Variants in SPTB observed in about 807,000 individuals in gnomAD.
SPTB encodes the protein spectrin beta, erythrocytic, also known as spectrin beta chain, erythrocytic.
In SPTB, 45 loss-of-function variants were observed where a neutral mutation model predicts 256.2. That is an observed-to-expected ratio of 0.18 (90% CI 0.14 to 0.23). The LOEUF is 0.23. Among genes scored for constraint, SPTB ranks in the 10% least tolerant of loss-of-function variants. The pLI, the probability that SPTB is intolerant of heterozygous loss-of-function variation, is 1.00. For missense variants in SPTB, 2,715 were observed against 3,040.4 expected (o/e 0.89, Z 2.52); for synonymous variants, 1,231 against 1,243.1 (o/e 0.99, Z 0.21).
At chr14:64,767,905 T>G (rs1477389148) in intron 29 of SPTB, 46 bp from the exon 30 acceptor site, 1 of 1,604,762 alleles carries the variant, frequency 6.2e-7, no homozygotes, top group Non-Finnish European at 8.5e-7. Context: ...GCCCAGGGCC[T>G]GTTAGCACCC....
rs1292733418 is a variant in SPTB at position 64,806,304 on chromosome 14, T to G, written c.149-1214A>C. On this transcript the variant is annotated intron_variant, in intron 2 of 35. Transcript: ENST00000644917. The surrounding 1 kb of genome is among the most constrained non-coding windows in gnomAD (Gnocchi z 4.1). ...GCTTCTGGGCACTTAGGTTTGAAGATTCAGGGAAGGAGGTGACTTGGCAGT... is the reference window on the plus strand; with the variant it reads ...GCTTCTGGGCACTTAGGTTTGAAGAGTCAGGGAAGGAGGTGACTTGGCAGT... Among the ~76,000 whole-genome samples, 1 of 152,150 alleles carries G rather than the reference T, an allele frequency of 6.6e-6. No individual in the cohort carries two copies. Among genetic ancestry groups the G allele is most frequent in the East Asian group, 1.9e-4 (1 of 5,192 alleles).
chr14:64,750,909 A>G (rs972167269), intron 33 of SPTB, among the ~76,000 whole-genome samples: 36 of 145,644 alleles, frequency 2.5e-4, no homozygotes, highest in Admixed American at 2.4e-3. Context: ...ATATAAATAT[A>G]TAAAATATGT....
At chr14:64,829,478 T>G (rs949857904) in intron 1 of SPTB, among the ~76,000 whole-genome samples, 1 of 152,212 alleles carries the variant, frequency 6.6e-6, no homozygotes, top group Non-Finnish European at 1.5e-5. Context: ...CAATATTGAT[T>G]GGTACCTAGG....
rs1305695935 is a variant in SPTB, at chr14:64,787,302, T to C, written c.2805-142A>G. The C allele has an allele frequency of 4.5e-6, 5 of 1,103,524 alleles. No individual in the cohort carries two copies. The East Asian group carries it at 1.3e-4, about 29-fold the overall frequency. The allele number at this position is 1,103,524 out of a possible 1,614,324, so 68.4% of individuals were successfully genotyped here. On this transcript the variant is annotated intron_variant, in intron 15 of 35. Coordinates refer to ENST00000644917, the MANE Select transcript of SPTB (RefSeq NM_001355436.2). Reference sequence around the variant, plus strand: ...TATGATAAAAAGAAAAAAAAAAATCTACCTAACGAAGTGTAGGTGAGCAAA... The same window carrying C: ...TATGATAAAAAGAAAAAAAAAAATCCACCTAACGAAGTGTAGGTGAGCAAA...
chr14:64,766,344 G>C, intron 32 of SPTB: 13 of 1,219,992 alleles, frequency 1.1e-5, no homozygotes, highest in Non-Finnish European at 1.3e-5. Flanking sequence ...CTAGAGGAAG[G>C]AGTTGGAAAA....
rs2082342029 is a variant in SPTB at position 64,775,392 on chromosome 14, A to G, written c.4575T>C (p.Asn1525=). 1.9e-6 allele frequency: 3 copies of G among 1,610,556 alleles called. No homozygotes were observed. The highest frequency in any genetic ancestry group is 1.3e-5 in the African/African-American group (1 of 74,978). The change falls in exon 23 of 36, where the codon AAT becomes AAC. Residue 1525 remains asparagine (N), a synonymous_variant. Transcript: ENST00000644917. This position sits in a 1 kb window ranked among gnomAD's most constrained non-coding sequence, Gnocchi z 5.0. ...LFMKKNQTLQ[N]EILGHTPRVE... ...CCCGCGGCGTATGGCCCAGAATCTC[A>G]TTCTGCAGTGTCTGCGGCCAGAAGG... is the stretch of plus-strand genomic sequence containing the variant.
In SPTB at chr14:64,749,493, G is replaced by C; in HGVS notation, c.6820-20C>G. ...CTCCTCCTGCGGGGCGGAGGGTCAC[G>C]GTGGAGTCTGGAGGCCCACAGCCCC... is the stretch of plus-strand genomic sequence containing the variant. On this transcript the variant is annotated intron_variant, in intron 35 of 35. Transcript: ENST00000644917. This position sits in a 1 kb window ranked among gnomAD's most constrained non-coding sequence, Gnocchi z 4.7. 3 of 1,598,078 alleles carry C rather than the reference G, an allele frequency of 1.9e-6. No homozygotes were observed. Among genetic ancestry groups the C allele is most frequent in the East Asian group, 4.5e-5 (2 of 44,784 alleles).
At chr14:64,834,140 T>TC (rs2083487426) in intron 1 of SPTB, among the ~76,000 whole-genome samples, 1 of 151,732 alleles carries the variant, frequency 6.6e-6, no homozygotes, top group African/African-American at 2.4e-5. Flanking sequence ...GATTCTCTTG[T>TC]CTCAGCCTCC....
At chr14:64,752,120 A>C (rs1036418047) in intron 33 of SPTB, 5 of 1,221,368 alleles carry the variant, frequency 4.1e-6, no homozygotes, top group Non-Finnish European at 5.3e-6. Context: ...ACAAAACACA[A>C]AAAAAGACAA....
intron 2 of SPTB, among the ~76,000 whole-genome samples, chr14:64,822,370 T>TCACACACA (rs2083305230): frequency 2.0e-3 from 3 of 1,470 alleles, no homozygotes; most frequent in African/African-American, 3.4e-3. Context: ...TCTCTCTCTC[T>TCACACACA]CTCTCACACA....
rs764924367 is a variant in SPTB, at chr14:64,845,151, G to C, written c.-51-22006C>G. ...CTATCCTCACTATCTGGGCATGGCA[G>C]AACTAGCCTGCTCCCTGTCATTATC... On this transcript the variant is annotated intron_variant, in intron 1 of 35. Coordinates refer to ENST00000644917, the MANE Select transcript of SPTB (RefSeq NM_001355436.2). The surrounding 1 kb of genome is among the most constrained non-coding windows in gnomAD (Gnocchi z 4.8). Among the ~76,000 whole-genome samples the C allele has an allele frequency of 9.2e-5, 14 of 152,228 alleles. No individual in the cohort carries two copies. The highest frequency in any genetic ancestry group is 2.1e-4 in the Non-Finnish European group (14 of 68,046).
intron 2 of SPTB, among the ~76,000 whole-genome samples, chr14:64,822,370 T>TCACACACACA (rs2083305230): frequency 1.4e-3 from 2 of 1,470 alleles, no homozygotes; most frequent in Admixed American, 0.014. Context: ...TCTCTCTCTC[T>TCACACACACA]CTCTCACACA....
rs1302679781 is a variant in SPTB, at chr14:64,778,456, C to A, written c.4563+701G>T. 1.3e-5 allele frequency among the ~76,000 whole-genome samples: 2 copies of A among 152,140 alleles called. No homozygotes were observed. The highest frequency in any genetic ancestry group is 3.9e-4 in the East Asian group (2 of 5,194). Reference sequence around the variant, plus strand: ...TGTCCAAGAAGGGTCTGTGGCCATTCCCCTGGCCGCTGCGACCCCACACAG... The same window carrying A: ...TGTCCAAGAAGGGTCTGTGGCCATTACCCTGGCCGCTGCGACCCCACACAG... On this transcript the variant is annotated intron_variant, in intron 22 of 35. Transcript: ENST00000644917. The surrounding 1 kb of genome is among the most constrained non-coding windows in gnomAD (Gnocchi z 5.2).
At chr14:64,805,134 G>A (rs749190019) in intron 2 of SPTB, 44 bp from the exon 3 acceptor site, 1 of 1,613,314 alleles carries the variant, frequency 6.2e-7, no homozygotes, top group South Asian at 1.1e-5. Context: ...GAGGTTGGCA[G>A]GGTCAGTGTG....
rs2082552623 is a variant in SPTB at position 64,785,698 on chromosome 14, A to C, written c.3764+51T>G. 1 of 1,613,538 alleles carries C rather than the reference A, an allele frequency of 6.2e-7. No homozygotes were observed. Among genetic ancestry groups the C allele is most frequent in the Non-Finnish European group, 8.5e-7 (1 of 1,179,534 alleles). On this transcript the variant is annotated intron_variant, in intron 17 of 35. Transcript: ENST00000644917. The surrounding 1 kb of genome is among the most constrained non-coding windows in gnomAD (Gnocchi z 4.4). The stretch of plus-strand genomic sequence containing the variant: ...GGTCCTCACCAAGCTTGGGGTCCTC[A>C]CTACCCCCGTGTGGCTCTGGGGGCC...
Position 64,766,112 on chromosome 14 carries a change from GTGTA to G in SPTB, c.6345+610_6345+613del, listed in dbSNP as rs200036882. 3.3e-5 allele frequency among the ~76,000 whole-genome samples: 5 copies of G among 149,628 alleles called. No homozygotes were observed. The East Asian group carries it at 9.8e-4, about 29-fold the overall frequency. ...TGCGTGTGTGGGTGTGTGTGGATGT[GTGTA>G]TGGGGATGTGGTGTGGGTGCATGTG... On this transcript the variant is annotated intron_variant, in intron 32 of 35. Coordinates refer to ENST00000644917, the MANE Select transcript of SPTB (RefSeq NM_001355436.2).
Position 64,845,565 on chromosome 14 carries a change from A to C in SPTB, c.-51-22420T>G, listed in dbSNP as rs1347462546. ...AGCACTGCGTTGAACTCTCAAACTT[A>C]AAGTTTTACCAGACTATAGGACTGT... On this transcript the variant is annotated intron_variant, in intron 1 of 35. Transcript: ENST00000644917. This position sits in a 1 kb window ranked among gnomAD's most constrained non-coding sequence, Gnocchi z 4.8. Among the ~76,000 whole-genome samples, 2 of 152,236 alleles carry C rather than the reference A, an allele frequency of 1.3e-5. No homozygotes were observed. Among genetic ancestry groups the C allele is most frequent in the African/African-American group, 4.8e-5 (2 of 41,466 alleles).
intron 1 of SPTB, among the ~76,000 whole-genome samples, chr14:64,870,079 T>C (rs1017025299): frequency 7.2e-5 from 11 of 151,930 alleles, no homozygotes; most frequent in South Asian, 2.1e-4. Context: ...AGAAGGCAAG[T>C]TGACAATTAC....
rs567624946 is a variant in SPTB at position 64,747,768 on chromosome 14, G to A, written c.*1538C>T. 1 of 152,528 alleles carries A rather than the reference G, an allele frequency of 6.6e-6. No homozygotes were observed. Among genetic ancestry groups the A allele is most frequent in the African/African-American group, 2.4e-5 (1 of 41,538 alleles). The allele number at this position is 152,528 out of a possible 1,614,324, so 9.4% of individuals were successfully genotyped here. A position where few individuals can be genotyped will look rare whatever the true frequency, so the allele number is the denominator to read the frequency against. ...ACTGCAGGCCCTGGGGACTTTCATG[G>A]TTTCCTTGGGGGAAAATGCCTGCTG... On this transcript the variant is annotated 3_prime_UTR_variant, in exon 36 of 36. Transcript: ENST00000644917.
Sources: allele counts gnomAD v4.1 joint callset (sites outside exome capture counted in the v4.1 genomes callset), GRCh38; gene constraint gnomAD v4.1.1; non-coding constraint Gnocchi (gnomAD v3.1); transcripts MANE v1.5; gene names NCBI Gene and HGNC (gene_info 2026-07-23, HGNC 2026-07-21).